DIS3L2: variants seen among roughly 807,000 people sequenced by gnomAD.
DIS3L2 encodes the protein DIS3 like 3'-5' exoribonuclease 2.
A neutral mutation model predicts 97.5 loss-of-function variants in DIS3L2; 34 were observed. The observed-to-expected ratio is 0.35, with a 90% CI of 0.27 to 0.46. The LOEUF is 0.46. Among genes scored for constraint, DIS3L2 ranks in the 20% least tolerant of loss-of-function variants. The pLI is 1.00. For missense variants in DIS3L2, 1,038 were observed against 1,146.0 expected (o/e 0.91, Z 1.36); for synonymous variants, 435 against 445.2 (o/e 0.98, Z 0.29).
chr2:232,270,878 C>CTT (rs751676178), intron 13 of DIS3L2, among the ~76,000 whole-genome samples: 2 of 133,948 alleles, frequency 1.5e-5, no homozygotes, highest in South Asian at 2.3e-4. Flanking sequence ...CTCTCTCTCT[C>CTT]TCTCTCTCTC....
Position 232,023,892 on chromosome 2 carries a change from GA to G in DIS3L2, c.211-377del, listed in dbSNP as rs35878031. 4.3e-5 allele frequency among the ~76,000 whole-genome samples: 6 copies of G among 139,020 alleles called. No individual in the cohort carries two copies. The East Asian group carries it at 1.2e-3, about 27-fold the overall frequency. The allele number at this position is 139,020 out of a possible 152,430, so 91.2% of individuals were successfully genotyped here. A position where few individuals can be genotyped will look rare whatever the true frequency, so the allele number is the denominator to read the frequency against. ...TTGTGGAAAGGTCTTGGAACTGGGA[GA>G]AAAAAAAGGCCTTTATATAGTGAGG... On this transcript the variant is annotated intron_variant, in intron 3 of 20. Coordinates refer to ENST00000325385, the MANE Select transcript of DIS3L2 (RefSeq NM_152383.5).
intron 6 of DIS3L2, among the ~76,000 whole-genome samples, chr2:232,089,332 G>C (rs1362268024): frequency 2.0e-5 from 3 of 152,170 alleles, no homozygotes; most frequent in Non-Finnish European, 4.4e-5. Context: ...CTTTTGTTTG[G>C]GGACACGTTT....
rs1693932211 is a variant in DIS3L2, at chr2:232,269,655, T to A, written c.1659+6215T>A. ...TGGGGCATTAGGCCTTCTAAAAGAC[T>A]TGAGGGTCTAGCCAGGCTGCAAAGG... On this transcript the variant is annotated intron_variant, in intron 13 of 20. Transcript: ENST00000325385. This position sits in a 1 kb window ranked among gnomAD's most constrained non-coding sequence, Gnocchi z 4.5. Among the ~76,000 whole-genome samples, 1 of 151,974 alleles carries A rather than the reference T, an allele frequency of 6.6e-6. No individual in the cohort carries two copies. The highest frequency in any genetic ancestry group is 1.5e-5 in the Non-Finnish European group (1 of 68,010).
At chr2:232,185,914 G>A (rs948940720) in intron 9 of DIS3L2, among the ~76,000 whole-genome samples, 1 of 150,128 alleles carries the variant, frequency 6.7e-6, no homozygotes, top group Non-Finnish European at 1.5e-5. Flanking sequence ...ATAAAGATAA[G>A]CACTTAAGTC....
chr2:232,267,406 G>A (rs1437532630), intron 13 of DIS3L2, among the ~76,000 whole-genome samples: 1 of 152,210 alleles, frequency 6.6e-6, no homozygotes, highest in Non-Finnish European at 1.5e-5. Context: ...AGCAAATGCA[G>A]ATACCAAATG....
chr2:232,052,689 C>A (rs911781687), intron 5 of DIS3L2, among the ~76,000 whole-genome samples: 4 of 152,192 alleles, frequency 2.6e-5, no homozygotes, highest in African/African-American at 9.7e-5. Flanking sequence ...GTGTCTCTTC[C>A]TCTTTCCCCT....
At chr2:232,166,561 C>T (rs1277023265) in intron 9 of DIS3L2, among the ~76,000 whole-genome samples, 1 of 152,066 alleles carries the variant, frequency 6.6e-6, no homozygotes, top group East Asian at 1.9e-4. Flanking sequence ...ACTAAAAATA[C>T]AAAAATTAGC....
chr2:231,963,759 C>T (rs755321564), intron 1 of DIS3L2, among the ~76,000 whole-genome samples: 3 of 152,126 alleles, frequency 2.0e-5, no homozygotes, highest in Non-Finnish European at 4.4e-5. Context: ...CTCACTGTCA[C>T]CCAGGCTGGA....
intron 6 of DIS3L2, among the ~76,000 whole-genome samples, chr2:232,100,969 C>T (rs1437422483): frequency 2.0e-5 from 3 of 152,032 alleles, no homozygotes; most frequent in African/African-American, 7.2e-5. Context: ...GGTGTGGTGG[C>T]TCACGCCTGT....
chr2:232,036,520 G>A (rs940860603), intron 5 of DIS3L2, among the ~76,000 whole-genome samples: 1 of 152,132 alleles, frequency 6.6e-6, no homozygotes, highest in Non-Finnish European at 1.5e-5. Context: ...GCCTACTTCT[G>A]CCAGTTCGTC....
intron 1 of DIS3L2, among the ~76,000 whole-genome samples, chr2:231,997,262 T>C (rs1430545335): frequency 6.6e-6 from 1 of 152,254 alleles, no homozygotes; most frequent in Non-Finnish European, 1.5e-5. Context: ...CTCAAGAGCT[T>C]TAACCAACAG....
chr2:232,173,084 A>G (rs898403976), intron 9 of DIS3L2, among the ~76,000 whole-genome samples: 1 of 152,174 alleles, frequency 6.6e-6, no homozygotes, highest in Non-Finnish European at 1.5e-5. Context: ...TGGGCTGGCT[A>G]TCTTGCACTT....
chr2:231,997,771 A>G (rs1693770194), intron 1 of DIS3L2, among the ~76,000 whole-genome samples: 1 of 152,180 alleles, frequency 6.6e-6, no homozygotes, highest in Non-Finnish European at 1.5e-5. Flanking sequence ...TTGCTTTAGT[A>G]TCCCTCCCCA....
intron 8 of DIS3L2, among the ~76,000 whole-genome samples, chr2:232,139,054 G>A (rs1447836639): frequency 6.6e-6 from 1 of 152,128 alleles, no homozygotes; most frequent in Non-Finnish European, 1.5e-5. Flanking sequence ...AAGGATTTTT[G>A]CATGTATATA....
At chr2:231,994,256 C>G (rs759785336) in intron 1 of DIS3L2, among the ~76,000 whole-genome samples, 1 of 151,948 alleles carries the variant, frequency 6.6e-6, no homozygotes, top group Non-Finnish European at 1.5e-5. Context: ...GGCTGTCCCT[C>G]TGAAAATACC....
downstream of DIS3L2, among the ~76,000 whole-genome samples, chr2:232,338,488 G>A (rs1696034792): frequency 6.6e-6 from 1 of 152,062 alleles, no homozygotes; most frequent in African/African-American, 2.4e-5. Flanking sequence ...CTGGAGCTGT[G>A]GAGGCCATGG....
At chr2:232,288,291 T>C (rs1269147304) in intron 13 of DIS3L2, among the ~76,000 whole-genome samples, 1 of 152,236 alleles carries the variant, frequency 6.6e-6, no homozygotes, top group Non-Finnish European at 1.5e-5. Flanking sequence ...GGAGAACTCT[T>C]CACTGCCACT....
chr2:232,193,970 C>T (rs186883513), intron 9 of DIS3L2, among the ~76,000 whole-genome samples: 45 of 152,056 alleles, frequency 3.0e-4, no homozygotes, highest in African/African-American at 6.7e-4. Context: ...ATTAGCTGGG[C>T]GTGGTGGTGC....
In DIS3L2 at chr2:231,974,931, C is replaced by G. The variant is rs985070732; in HGVS notation, c.-94+13166C>G. On this transcript the variant is annotated intron_variant, in intron 1 of 20. Coordinates refer to ENST00000325385, the MANE Select transcript of DIS3L2 (RefSeq NM_152383.5). The stretch of plus-strand genomic sequence containing the variant: ...TATATGCCCTTCAGACTATTGTATC[C>G]GTTTGGTTGCTTTCCTTTTATAAAG... Among the ~76,000 whole-genome samples, 3 of 151,952 alleles carry G rather than the reference C, an allele frequency of 2.0e-5. No homozygotes were observed. In the East Asian group the frequency reaches 5.8e-4, roughly 29 times the overall value.
Sources: allele counts gnomAD v4.1 joint callset (sites outside exome capture counted in the v4.1 genomes callset), GRCh38; gene constraint gnomAD v4.1.1; non-coding constraint Gnocchi (gnomAD v3.1); transcripts MANE v1.5; gene names NCBI Gene and HGNC (gene_info 2026-07-23, HGNC 2026-07-21).